CNTN4: variants seen among roughly 807,000 people sequenced by gnomAD.
CNTN4 encodes contactin-4.
CNTN4 carries 77 observed loss-of-function variants against 122.5 expected under a neutral mutation model. That is an observed-to-expected ratio of 0.63 (90% CI 0.52 to 0.76). The LOEUF (loss-of-function observed/expected upper bound fraction) is 0.76. Ranked by LOEUF, CNTN4 falls within the 30% of genes least tolerant of loss-of-function variation. The pLI is 0.00. For missense variants in CNTN4, 1,256 were observed against 1,259.1 expected, an observed-to-expected ratio of 1.00 and a Z score of 0.04; for synonymous variants, 512 against 447.0, an observed-to-expected ratio of 1.15 and a Z score of -1.83.
At chr3:2,650,045 ATAT>A (rs930582345) in intron 4 of CNTN4, among the ~76,000 whole-genome samples, 12 of 147,108 alleles carry the variant, frequency 8.2e-5, no homozygotes, top group East Asian at 5.9e-4. Context: ...ATATAAATTC[ATAT>A]TATATGTATA....
chr3:2,666,017 A>G (rs188291796), intron 4 of CNTN4, among the ~76,000 whole-genome samples: 7 of 152,320 alleles, frequency 4.6e-5, no homozygotes, highest in Admixed American at 4.6e-4. Context: ...GTAATTATGA[A>G]TGGGCGAAGA....
chr3:3,003,684 C>CAAAAAAAAAA (rs58290160), intron 14 of CNTN4, among the ~76,000 whole-genome samples: 46 of 76,970 alleles, frequency 6.0e-4, no homozygotes, highest in Non-Finnish European at 7.3e-4. Context: ...ATGGTTGCAC[C>CAAAAAAAAAA]AAAAAAAAAA....
intron 4 of CNTN4, among the ~76,000 whole-genome samples, chr3:2,729,561 A>G (rs1156438165): frequency 1.3e-5 from 2 of 150,560 alleles, no homozygotes; most frequent in African/African-American, 4.9e-5. Flanking sequence ...AAAAAAAAAA[A>G]AAGAAGAGAA....
At chr3:2,411,491 A>G (rs949837841) in intron 3 of CNTN4, among the ~76,000 whole-genome samples, 3 of 152,200 alleles carry the variant, frequency 2.0e-5, no homozygotes, top group Admixed American at 6.5e-5. Flanking sequence ...GACTATTGAT[A>G]TAAAATATTT....
chr3:2,214,580 A>C (rs1446527345), intron 2 of CNTN4, among the ~76,000 whole-genome samples: 1 of 152,180 alleles, frequency 6.6e-6, no homozygotes, highest in Non-Finnish European at 1.5e-5. Flanking sequence ...CTGAATTTTG[A>C]CATTATGAGT....
chr3:2,990,601 TGATACCACAAGCCCCAGGACAAAACC>T (rs1243668161), intron 14 of CNTN4, among the ~76,000 whole-genome samples: 1 of 152,206 alleles, frequency 6.6e-6, no homozygotes, highest in Non-Finnish European at 1.5e-5. Flanking sequence ...TGCATCCCAG[TGATACCACAAGCCCCAGGACAAAACC>T]GTTCCCAACC....
intron 13 of CNTN4, among the ~76,000 whole-genome samples, chr3:2,966,683 C>G (rs1486415193): frequency 6.6e-6 from 1 of 152,120 alleles, no homozygotes; most frequent in Non-Finnish European, 1.5e-5. Flanking sequence ...CCCCACTTAC[C>G]CTGATGGGAT....
At chr3:2,792,955 G>A (rs1452220122) in intron 6 of CNTN4, among the ~76,000 whole-genome samples, 1 of 152,184 alleles carries the variant, frequency 6.6e-6, no homozygotes, top group Non-Finnish European at 1.5e-5. Context: ...ATAAAAGATA[G>A]GGACATCTCT....
At chr3:2,758,382 A>G (rs1322185638) in intron 6 of CNTN4, among the ~76,000 whole-genome samples, 1 of 152,096 alleles carries the variant, frequency 6.6e-6, no homozygotes, top group Non-Finnish European at 1.5e-5. Flanking sequence ...TGAATATTCT[A>G]TTTCCTTAAA....
chr3:3,006,657 G>A (rs1288637720), intron 14 of CNTN4, among the ~76,000 whole-genome samples: 1 of 152,152 alleles, frequency 6.6e-6, no homozygotes, highest in Non-Finnish European at 1.5e-5. Context: ...GTAAGCAGCA[G>A]ACCAAGGAAA....
intron 3 of CNTN4, among the ~76,000 whole-genome samples, chr3:2,548,110 T>A (rs1438868920): frequency 6.6e-6 from 1 of 152,172 alleles, no homozygotes; most frequent in Non-Finnish European, 1.5e-5. Flanking sequence ...AAAAATTTTC[T>A]CCCATTCTGT....
At chr3:3,023,437 T>G (rs1698462552) in intron 14 of CNTN4, among the ~76,000 whole-genome samples, 1 of 152,222 alleles carries the variant, frequency 6.6e-6, no homozygotes, top group Non-Finnish European at 1.5e-5. Context: ...AATAAAAATC[T>G]GTCCCAGATC....
intron 2 of CNTN4, among the ~76,000 whole-genome samples, chr3:2,223,804 A>G (rs1029752713): frequency 2.6e-5 from 4 of 152,198 alleles, no homozygotes; most frequent in Non-Finnish European, 5.9e-5. Context: ...CCGCTTTGAC[A>G]CAAGGCTGGT....
chr3:2,442,046 A>G (rs934876206), intron 3 of CNTN4, among the ~76,000 whole-genome samples: 8 of 152,184 alleles, frequency 5.3e-5, no homozygotes, highest in African/African-American at 1.7e-4. Flanking sequence ...TGCTGGTTAG[A>G]AAACCACCAG....
At chr3:2,881,867 C>T (rs1024901980) in intron 8 of CNTN4, among the ~76,000 whole-genome samples, 1 of 152,222 alleles carries the variant, frequency 6.6e-6, no homozygotes, top group Non-Finnish European at 1.5e-5. Context: ...AAGGTTCAGT[C>T]TCTTTTTCCT....
chr3:2,384,676 T>G (rs994718128), intron 3 of CNTN4, among the ~76,000 whole-genome samples: 1 of 152,066 alleles, frequency 6.6e-6, no homozygotes, highest in Non-Finnish European at 1.5e-5. Context: ...CTCTCACATC[T>G]CCCATGCTCT....
At chr3:2,205,119 T>G (rs1283354669) in intron 2 of CNTN4, among the ~76,000 whole-genome samples, 1 of 151,824 alleles carries the variant, frequency 6.6e-6, no homozygotes, top group Non-Finnish European at 1.5e-5. Context: ...AGCAAGATTT[T>G]TGTATTGCTT....
chr3:2,612,142 C>T (rs1034689953), intron 4 of CNTN4, among the ~76,000 whole-genome samples: 2 of 143,792 alleles, frequency 1.4e-5, no homozygotes, highest in Non-Finnish European at 3.1e-5. Context: ...ACACACACAA[C>T]AGACAGAGAT....
chr3:2,351,878 G>C (rs1181437471), intron 3 of CNTN4, among the ~76,000 whole-genome samples: 1 of 152,092 alleles, frequency 6.6e-6, no homozygotes, highest in African/African-American at 2.4e-5. Context: ...GTATAGACAA[G>C]AGGAATAGGT....
Sources: gnomAD v4.1 joint callset for allele counts (sites outside exome capture counted in the v4.1 genomes callset) on GRCh38, gnomAD v4.1.1 for gene constraint, MANE v1.5 for transcripts, NCBI Gene and HGNC (gene_info 2026-07-23, HGNC 2026-07-21) for gene names.